TP53BP1: variants seen among roughly 807,000 people sequenced by gnomAD.
TP53BP1 encodes the protein TP53-binding protein 1.
A neutral mutation model predicts 200.8 loss-of-function variants in TP53BP1; 61 were observed. The observed-to-expected ratio is 0.30, with a 90% CI of 0.25 to 0.38. The LOEUF (loss-of-function observed/expected upper bound fraction) is 0.38. Ranked by LOEUF, TP53BP1 falls within the 10% of genes least tolerant of loss-of-function variation. The probability of loss-of-function intolerance (pLI) is 1.00; values close to 1 mark genes in which losing one functional copy is unlikely to be tolerated. For missense variants in TP53BP1, 2,144 were observed against 2,371.9 expected (o/e 0.90, Z 2.00); for synonymous variants, 822 against 844.3 (o/e 0.97, Z 0.46).
At chr15:43,508,588 T>C (rs987175721) in intron 1 of TP53BP1, among the ~76,000 whole-genome samples, 1 of 152,210 alleles carries the variant, frequency 6.6e-6, no homozygotes, top group Non-Finnish European at 1.5e-5. Context: ...GCTACAATCA[T>C]GCCACTATAT....
chr15:43,472,593 A>G (rs2046753145), intron 10 of TP53BP1, among the ~76,000 whole-genome samples: 1 of 152,226 alleles, frequency 6.6e-6, no homozygotes. Flanking sequence ...AACCATTCTT[A>G]TGCTAAAACT....
At position 43,407,137 on chromosome 15, in the gene TP53BP1, G is replaced by C. The variant is rs1474296919; in HGVS notation, c.*246C>G. ...TCCTCCGTAAGTGAATAAGCCTGTT[G>C]AAAGACTCAGAGAAAGTACTATGTC... On this transcript the variant is annotated 3_prime_UTR_variant, in exon 28 of 28. Transcript: ENST00000382044. 9.1e-6 allele frequency: 4 copies of C among 439,270 alleles called. No individual in the cohort carries two copies. The highest frequency in any genetic ancestry group is 7.8e-5 in the African/African-American group (4 of 50,966). 27.2% of individuals were successfully genotyped at this position (439,270 alleles called of 1,614,324 possible). A position where few individuals can be genotyped will look rare whatever the true frequency, so the allele number is the denominator to read the frequency against.
intron 11 of TP53BP1, among the ~76,000 whole-genome samples, chr15:43,459,357 G>C (rs1206939811): frequency 6.6e-6 from 1 of 151,912 alleles, no homozygotes; most frequent in African/African-American, 2.4e-5. Context: ...ATGTGCAAAT[G>C]ATCATAGGAT....
intron 11 of TP53BP1, among the ~76,000 whole-genome samples, chr15:43,469,242 T>A (rs72709856): frequency 3.9e-4 from 60 of 152,258 alleles, no homozygotes; most frequent in Non-Finnish European, 8.4e-4. Flanking sequence ...CCCTCGCTTT[T>A]AGAAGAAAAT....
intron 24 of TP53BP1, among the ~76,000 whole-genome samples, chr15:43,410,898 A>G (rs2045097546): frequency 6.6e-6 from 1 of 152,288 alleles, no homozygotes; most frequent in African/African-American, 2.4e-5. Context: ...CATTCTCCAC[A>G]TTCTTCTCAA....
At chr15:43,412,840 A>C in intron 24 of TP53BP1, 1 of 543,170 alleles carries the variant, frequency 1.8e-6, no homozygotes, top group Non-Finnish European at 3.6e-6. Flanking sequence ...TTAACCTTTA[A>C]CCTCTCCAAA....
intron 16 of TP53BP1, among the ~76,000 whole-genome samples, chr15:43,433,513 A>G (rs909211997): frequency 6.6e-6 from 1 of 152,242 alleles, no homozygotes; most frequent in African/African-American, 2.4e-5. Context: ...TTTATATTTA[A>G]AACACCTAAC....
intron 24 of TP53BP1, chr15:43,412,859 C>T: frequency 1.8e-6 from 1 of 568,054 alleles, no homozygotes; most frequent in Middle Eastern, 2.8e-4. Flanking sequence ...AACTTGTTTC[C>T]TCATCCATAA....
At chr15:43,430,242 T>C (rs941383426) in intron 17 of TP53BP1, among the ~76,000 whole-genome samples, 1 of 152,186 alleles carries the variant, frequency 6.6e-6, no homozygotes, top group Non-Finnish European at 1.5e-5. Context: ...AGGCTGCCTA[T>C]GCTTTTCCAC....
intron 8 of TP53BP1, among the ~76,000 whole-genome samples, 198 bp from the exon 9 acceptor site, chr15:43,475,892 C>A (rs1595605837): frequency 2.0e-5 from 3 of 152,302 alleles, no homozygotes; most frequent in South Asian, 4.1e-4. Flanking sequence ...TTAACCACCC[C>A]CGCAATGGGC....
chr15:43,456,348 C>T lies in TP53BP1; in HGVS notation c.2260G>A (p.Ala754Thr), dbSNP rs2046296172. The change falls in exon 12 of 28, where the codon GCT becomes ACT. Residue 754 changes from alanine to threonine, a missense_variant. Physicochemically the swap from Ala to Thr is moderately conservative, Grantham distance 58 (BLOSUM62 0). Coordinates refer to ENST00000382044, the MANE Select transcript of TP53BP1 (RefSeq NM_001141980.3). ...EHKEQEAWEE[A>T]TSEDSSVVIV... The stretch of plus-strand genomic sequence containing the variant: ...ACAACACTGGAGTCCTCTGAAGTAG[C>T]TTCTTCCCAAGCTTCCTGTTCCTTA... 1.2e-6 allele frequency: 2 copies of T among 1,612,358 alleles called. No homozygotes were observed. The highest frequency in any genetic ancestry group is 1.7e-6 in the Non-Finnish European group (2 of 1,179,636).
At chr15:43,505,444 T>A (rs1335585994) in intron 1 of TP53BP1, among the ~76,000 whole-genome samples, 3 of 152,196 alleles carry the variant, frequency 2.0e-5, no homozygotes, top group African/African-American at 7.2e-5. Flanking sequence ...CTACCTTCCA[T>A]TTCACAGGCT....
At chr15:43,418,180 T>A (rs8036934) in intron 21 of TP53BP1, among the ~76,000 whole-genome samples, 2,725 of 100,312 alleles carry the variant, frequency 0.027, 134 homozygotes, top group African/African-American at 0.1. Flanking sequence ...GCTCTGTTTT[T>A]AAAAAAAAAA....
intron 1 of TP53BP1, among the ~76,000 whole-genome samples, chr15:43,499,851 T>C (rs2079200734): frequency 6.6e-6 from 1 of 152,210 alleles, no homozygotes; most frequent in Admixed American, 6.5e-5. Context: ...AGTTTCTAGC[T>C]TCAAAGAATT....
chr15:43,421,988 C>T lies in TP53BP1; in HGVS notation c.3967G>A (p.Gly1323Arg), dbSNP rs2045413886. Residue 1323 changes from glycine to arginine, a missense_variant, in exon 19 of 28, where the codon GGG (glycine) becomes AGG (arginine). Physicochemically the swap from Gly to Arg is moderately radical, Grantham distance 125. Transcript: ENST00000382044. ...KASSLHRTSS[G>R]TSLSAMHSSG... Reference sequence around the variant, plus strand: ...CTGTGCATAGCTGAGAGACTTGTCCCACTTGATGTGCGGTGTAAGCTGGAT... The same window carrying T: ...CTGTGCATAGCTGAGAGACTTGTCCTACTTGATGTGCGGTGTAAGCTGGAT... 1.2e-6 allele frequency: 2 copies of T among 1,614,204 alleles called. No homozygotes were observed. The highest frequency in any genetic ancestry group is 1.7e-6 in the Non-Finnish European group (2 of 1,180,050).
chr15:43,504,836 T>G (rs1359331582), intron 1 of TP53BP1, among the ~76,000 whole-genome samples: 9 of 152,000 alleles, frequency 5.9e-5, no homozygotes, highest in Non-Finnish European at 8.8e-5. Flanking sequence ...CCTGGCCAAA[T>G]GGTGAAACCC....
intron 21 of TP53BP1, chr15:43,416,630 C>T (rs536951450): frequency 2.5e-6 from 1 of 400,928 alleles, no homozygotes; most frequent in African/African-American, 2.1e-5. Context: ...AGGAAAGTTT[C>T]TTGACAGAAG....
intron 16 of TP53BP1, among the ~76,000 whole-genome samples, chr15:43,437,982 C>T (rs979110405): frequency 1.3e-5 from 2 of 152,182 alleles, no homozygotes; most frequent in Non-Finnish European, 2.9e-5. Context: ...CATCGTAACA[C>T]GGTGGAAAGA....
chr15:43,460,819 T>A (rs551536509), intron 11 of TP53BP1, among the ~76,000 whole-genome samples: 1 of 151,610 alleles, frequency 6.6e-6, no homozygotes, highest in African/African-American at 2.4e-5. Flanking sequence ...GCCCAGGAGT[T>A]TGAGATAAGC....
Sources: allele counts gnomAD v4.1 joint callset (sites outside exome capture counted in the v4.1 genomes callset), GRCh38; gene constraint gnomAD v4.1.1; transcripts MANE v1.5; gene names NCBI Gene and HGNC (gene_info 2026-07-23, HGNC 2026-07-21).